ASIC2: variants seen among roughly 807,000 people sequenced by gnomAD.
The protein encoded by ASIC2 is acid-sensing ion channel 2.
ASIC2 carries 25 observed loss-of-function variants against 57.3 expected under a neutral mutation model. The observed-to-expected ratio is 0.44, with a 90% confidence interval of 0.32 to 0.61. The LOEUF (loss-of-function observed/expected upper bound fraction) is 0.61, where lower values mean the gene tolerates loss of function less well. Among genes scored for constraint, ASIC2 ranks in the 20% least tolerant of loss-of-function variants. The pLI is 0.06. For synonymous variants in ASIC2, 319 were observed against 307.5 expected, an observed-to-expected ratio of 1.04 and a Z score of -0.39; for missense variants, 641 against 738.1, an observed-to-expected ratio of 0.87 and a Z score of 1.52.
chr17:33,497,263 G>A (rs1913965878), intron 1 of ASIC2, among the ~76,000 whole-genome samples: 1 of 152,192 alleles, frequency 6.6e-6, no homozygotes, highest in African/African-American at 2.4e-5. Context: ...CTTGTTCTAG[G>A]TCACGAATCC....
chr17:33,579,525 T>G (rs1011814154), intron 1 of ASIC2, among the ~76,000 whole-genome samples: 1 of 152,074 alleles, frequency 6.6e-6, no homozygotes, highest in East Asian at 1.9e-4. Context: ...TCCTGGTGGG[T>G]TCTCGGTCTC....
At chr17:33,879,356 A>G (rs113846472) in intron 1 of ASIC2, among the ~76,000 whole-genome samples, 41,514 of 152,142 alleles carry the variant, frequency 0.27, 5,877 homozygotes, top group Middle Eastern at 0.36. Context: ...CTCTATTCAG[A>G]AGACCCATTT....
chr17:33,842,329 G>A (rs1913464269), intron 1 of ASIC2, among the ~76,000 whole-genome samples: 2 of 152,122 alleles, frequency 1.3e-5, no homozygotes, highest in African/African-American at 4.8e-5. Context: ...GACAAGACAT[G>A]GGTCTCCAGG....
chr17:33,512,044 C>T (rs1009998203), intron 1 of ASIC2, among the ~76,000 whole-genome samples: 12 of 152,248 alleles, frequency 7.9e-5, no homozygotes, highest in Admixed American at 7.2e-4. Flanking sequence ...TGGGTTTCAG[C>T]GTCCTGTGTA....
At chr17:34,071,994 C>T (rs1312794636) in intron 1 of ASIC2, 1 of 152,314 alleles carries the variant, frequency 6.6e-6, no homozygotes, top group African/African-American at 2.4e-5. Context: ...AGAAACAGCA[C>T]AGGGTGGGAA....
At chr17:33,410,610 G>T (rs962738969) in intron 1 of ASIC2, among the ~76,000 whole-genome samples, 1 of 152,134 alleles carries the variant, frequency 6.6e-6, no homozygotes, top group East Asian at 1.9e-4. Context: ...TAGTCTCAGT[G>T]CTTGTCCTTG....
At chr17:33,418,350 A>G (rs1436238780) in intron 1 of ASIC2, among the ~76,000 whole-genome samples, 3 of 151,972 alleles carry the variant, frequency 2.0e-5, no homozygotes, top group Non-Finnish European at 4.4e-5. Flanking sequence ...CTTGAAAAAT[A>G]AAGTTGTGCT....
At chr17:34,032,626 T>G (rs1316172325) in intron 1 of ASIC2, among the ~76,000 whole-genome samples, 1 of 152,122 alleles carries the variant, frequency 6.6e-6, no homozygotes, top group Non-Finnish European at 1.5e-5. Context: ...CCATCTCACA[T>G]GCAGAGACAC....
At chr17:33,022,191 G>A (rs1446022145) in intron 6 of ASIC2, among the ~76,000 whole-genome samples, 2 of 152,192 alleles carry the variant, frequency 1.3e-5, no homozygotes, top group Non-Finnish European at 2.9e-5. Context: ...GCTTGCCACA[G>A]CTGTTTCCTA....
chr17:33,602,344 G>C (rs1254124909), intron 1 of ASIC2, among the ~76,000 whole-genome samples: 1 of 152,170 alleles, frequency 6.6e-6, no homozygotes, highest in Non-Finnish European at 1.5e-5. Context: ...AGTTCATGAT[G>C]GCTCTTGCCC....
chr17:33,616,832 G>A (rs12949709), intron 1 of ASIC2, among the ~76,000 whole-genome samples: 8,261 of 152,268 alleles, frequency 0.054, 677 homozygotes, highest in African/African-American at 0.17. Flanking sequence ...CACAAGTGTG[G>A]CCTTCAACAG....
intron 1 of ASIC2, among the ~76,000 whole-genome samples, chr17:33,465,504 G>C (rs144387067): frequency 6.6e-6 from 1 of 151,598 alleles, no homozygotes; most frequent in African/African-American, 2.4e-5. Flanking sequence ...CTCCCTAGTA[G>C]CTGGGATTAC....
At chr17:33,491,947 G>A (rs1393054101) in intron 1 of ASIC2, among the ~76,000 whole-genome samples, 1 of 152,182 alleles carries the variant, frequency 6.6e-6, no homozygotes, top group Non-Finnish European at 1.5e-5. Flanking sequence ...TTCCAGGAAA[G>A]AGCTGAGCAA....
chr17:33,337,049 A>G (rs1907541783), intron 1 of ASIC2, among the ~76,000 whole-genome samples: 1 of 140,736 alleles, frequency 7.1e-6, no homozygotes, highest in Admixed American at 7.4e-5. Flanking sequence ...CTCTCCAAGC[A>G]CCCTCCAGAG....
chr17:33,896,601 G>A (rs548093980), intron 1 of ASIC2, among the ~76,000 whole-genome samples: 5 of 152,334 alleles, frequency 3.3e-5, no homozygotes, highest in South Asian at 2.1e-4. Flanking sequence ...CAATGGCCTG[G>A]CTCCTATCGG....
intron 1 of ASIC2, among the ~76,000 whole-genome samples, chr17:33,977,496 A>G (rs1047806890): frequency 6.6e-6 from 1 of 152,218 alleles, no homozygotes; most frequent in Non-Finnish European, 1.5e-5. Flanking sequence ...GGGTACACAA[A>G]GTGCACGTCT....
intron 1 of ASIC2, among the ~76,000 whole-genome samples, chr17:33,131,150 T>A (rs140566330): frequency 7.5e-4 from 114 of 152,274 alleles, no homozygotes; most frequent in African/African-American, 2.6e-3. Flanking sequence ...CAGGATCCAA[T>A]GGGCAGAACG....
chr17:34,014,362 C>A (rs1021019897), intron 1 of ASIC2, among the ~76,000 whole-genome samples: 41 of 152,200 alleles, frequency 2.7e-4, no homozygotes, highest in African/African-American at 9.7e-4. Flanking sequence ...ACCATTATGC[C>A]ACTCTTCCTC....
chr17:33,203,148 A>G (rs1906941335), intron 1 of ASIC2, among the ~76,000 whole-genome samples: 1 of 152,104 alleles, frequency 6.6e-6, no homozygotes, highest in African/African-American at 2.4e-5. Flanking sequence ...ATCCTTACCC[A>G]TAGCTCCACT....
Sources: gnomAD v4.1 joint callset for allele counts (sites outside exome capture counted in the v4.1 genomes callset) on GRCh38, gnomAD v4.1.1 for gene constraint, MANE v1.5 for transcripts, NCBI Gene and HGNC (gene_info 2026-07-23, HGNC 2026-07-21) for gene names.